ERI3: variants seen among roughly 807,000 people sequenced by gnomAD.
The protein encoded by ERI3 is ERI1 exoribonuclease family member 3, also known as ERI1 exoribonuclease 3.
In ERI3, 18 loss-of-function variants were observed where a neutral mutation model predicts 44.4. The ratio of observed to expected loss-of-function variants is 0.41; its 90% confidence interval spans 0.28 to 0.60. ERI3 has a LOEUF of 0.60. ERI3 is among the 20% of genes least tolerant of loss of function. The pLI is 0.36. For synonymous variants in ERI3, 183 were observed against 164.8 expected (o/e 1.11, Z -0.84); for missense variants, 294 against 435.5 (o/e 0.68, Z 2.89).
intron 8 of ERI3, among the ~76,000 whole-genome samples, chr1:44,240,198 G>C (rs1232702750): frequency 6.6e-6 from 1 of 152,214 alleles, no homozygotes; most frequent in Non-Finnish European, 1.5e-5. Context: ...CAGCTGCTGG[G>C]TACATTCTGT....
chr1:44,353,124 C>T (rs1170175692), intron 1 of ERI3, 199 bp from the exon 2 acceptor site: 1 of 985,252 alleles, frequency 1.0e-6, no homozygotes, highest in Non-Finnish European at 1.2e-6. Flanking sequence ...TAGTCATATA[C>T]TTTTGCTCCT....
chr1:44,221,335 G>T lies in ERI3; in HGVS notation c.*223C>A. On this transcript the variant is annotated 3_prime_UTR_variant, in exon 9 of 9. Transcript: ENST00000372257. The surrounding 1 kb of genome is among the most constrained non-coding windows in gnomAD (Gnocchi z 5.9). ...GGGGCTGATACTGGGCTGAGATTGAGGGGTGGGGATGGGGGGCACAAAGTG... is the reference window on the plus strand; with the variant it reads ...GGGGCTGATACTGGGCTGAGATTGATGGGTGGGGATGGGGGGCACAAAGTG... 1 of 559,648 alleles carries T rather than the reference G, an allele frequency of 1.8e-6. No homozygotes were observed. The highest frequency in any genetic ancestry group is 3.2e-6 in the Non-Finnish European group (1 of 313,080). The allele number at this position is 559,648 out of a possible 1,614,324, so 34.7% of individuals were successfully genotyped here.
At chr1:44,299,877 A>AT (rs530136711) in intron 6 of ERI3, among the ~76,000 whole-genome samples, 42 of 152,074 alleles carry the variant, frequency 2.8e-4, no homozygotes, top group Non-Finnish European at 5.7e-4. Context: ...TGTCTGTTGG[A>AT]TTCCGCCACA....
Position 44,325,180 on chromosome 1 carries a change from C to A in ERI3, c.490-5436G>T, listed in dbSNP as rs1174514018. On this transcript the variant is annotated intron_variant, in intron 3 of 8. Transcript: ENST00000372257. ...GTAACCTCCGCCTCCCGGGTTCAAG[C>A]AATTCTCCTGCCTCAGCCTCCCAAG... Among the ~76,000 whole-genome samples the A allele has an allele frequency of 2.7e-5, 4 of 149,698 alleles. 1 individual carries two copies. Among genetic ancestry groups the A allele is most frequent in the Non-Finnish European group, 5.9e-5 (4 of 67,560 alleles).
At chr1:44,247,681 C>T (rs1299410888) in intron 8 of ERI3, among the ~76,000 whole-genome samples, 2 of 152,142 alleles carry the variant, frequency 1.3e-5, no homozygotes, top group Non-Finnish European at 2.9e-5. Flanking sequence ...GGACCTTGGC[C>T]TGAGTCCAAG....
rs557044812 is a variant in ERI3 at position 44,235,971 on chromosome 1, C to G, written c.931+11968G>C. On this transcript the variant is annotated intron_variant, in intron 8 of 8. Coordinates refer to ENST00000372257, the MANE Select transcript of ERI3 (RefSeq NM_024066.3). This position sits in a 1 kb window ranked among gnomAD's most constrained non-coding sequence, Gnocchi z 4.6. Reference sequence around the variant, plus strand: ...AATATTTCATCCTCAAGCTGCTCAGCTAATCCCTATTAATTTCAATACCGC... The same window carrying G: ...AATATTTCATCCTCAAGCTGCTCAGGTAATCCCTATTAATTTCAATACCGC... Among the ~76,000 whole-genome samples, 1 of 152,216 alleles carries G rather than the reference C, an allele frequency of 6.6e-6. No individual in the cohort carries two copies. The highest frequency in any genetic ancestry group is 2.4e-5 in the African/African-American group (1 of 41,466).
intron 8 of ERI3, among the ~76,000 whole-genome samples, chr1:44,236,932 G>A (rs776696457): frequency 5.9e-5 from 9 of 152,134 alleles, no homozygotes; most frequent in South Asian, 2.1e-4. Context: ...TGTGCTTGTG[G>A]CCTTCTAAGG....
intron 4 of ERI3, 88 bp from the exon 5 acceptor site, chr1:44,313,316 C>T: frequency 7.8e-7 from 1 of 1,279,136 alleles, no homozygotes; most frequent in Non-Finnish European, 1.1e-6. Context: ...CTGTTTTTCT[C>T]CTTCTGTTGT....
intron 2 of ERI3, among the ~76,000 whole-genome samples, chr1:44,352,433 G>C (rs1182763681): frequency 6.6e-6 from 1 of 151,536 alleles, no homozygotes; most frequent in African/African-American, 2.4e-5. Flanking sequence ...TAGATAGATA[G>C]ATAGATAGAT....
At chr1:44,281,918 GTGTGTGTGTA>G (rs1355151996) in intron 7 of ERI3, among the ~76,000 whole-genome samples, 13 of 148,252 alleles carry the variant, frequency 8.8e-5, no homozygotes, top group African/African-American at 3.4e-4. Flanking sequence ...GTGTGTGTGT[GTGTGTGTGTA>G]TGTATTCTTC....
intron 6 of ERI3, among the ~76,000 whole-genome samples, chr1:44,292,581 G>A (rs1381580010): frequency 6.6e-6 from 1 of 152,170 alleles, no homozygotes; most frequent in Non-Finnish European, 1.5e-5. Flanking sequence ...TCTGCTGGTG[G>A]GAGGGCAATG....
intron 7 of ERI3, among the ~76,000 whole-genome samples, chr1:44,267,384 T>TG (rs1645009870): frequency 6.6e-6 from 1 of 152,164 alleles, no homozygotes; most frequent in Non-Finnish European, 1.5e-5. Context: ...CCAATTCCTA[T>TG]GGGCCTCTCC....
At chr1:44,311,542 T>G (rs928709037) in intron 5 of ERI3, among the ~76,000 whole-genome samples, 1 of 152,130 alleles carries the variant, frequency 6.6e-6, no homozygotes, top group Non-Finnish European at 1.5e-5. Flanking sequence ...GAAAGTAGCT[T>G]CTTGGGTGAG....
Position 44,352,876 on chromosome 1 carries a change from C to CCGG in ERI3, c.182_184dup (p.Ala61dup). Reference sequence around the variant, plus strand: ...TCTCCTTACTTCGAAGATGCCAAGACCGGCAGCTGGGGATGCTGAAGGTTC... The same window carrying CCGG: ...TCTCCTTACTTCGAAGATGCCAAGACCGGCGGCAGCTGGGGATGCTGAAGGTTC... On this transcript the variant is annotated inframe_insertion, in exon 2 of 9. Coordinates refer to ENST00000372257, the MANE Select transcript of ERI3 (RefSeq NM_024066.3). The CCGG allele has an allele frequency of 6.2e-7, 1 of 1,614,056 alleles. No homozygotes were observed. Among genetic ancestry groups the CCGG allele is most frequent in the African/African-American group, 1.3e-5 (1 of 74,994 alleles).
chr1:44,272,112 C>T (rs1472985989), intron 7 of ERI3, among the ~76,000 whole-genome samples: 1 of 152,170 alleles, frequency 6.6e-6, no homozygotes, highest in African/African-American at 2.4e-5. Flanking sequence ...GGGCATAGTG[C>T]TACCATTTTA....
chr1:44,316,332 T>C (rs906729118), intron 4 of ERI3, among the ~76,000 whole-genome samples: 4 of 152,176 alleles, frequency 2.6e-5, no homozygotes, highest in Non-Finnish European at 2.9e-5. Context: ...ATGTGTGCTC[T>C]GTGGCTCCTT....
At chr1:44,304,632 C>T (rs1158630720) in intron 6 of ERI3, among the ~76,000 whole-genome samples, 1 of 152,170 alleles carries the variant, frequency 6.6e-6, no homozygotes, top group Non-Finnish European at 1.5e-5. Flanking sequence ...GTGGTTCCAT[C>T]GTGGCACCTT....
chr1:44,247,896 G>C (rs1251008035), intron 8 of ERI3, 43 bp downstream of exon 8: 1 of 1,534,458 alleles, frequency 6.5e-7, no homozygotes, highest in African/African-American at 1.4e-5. Flanking sequence ...GCGGGCAAGG[G>C]ACGATGGATG....
chr1:44,348,849 C>G (rs1646835835), intron 2 of ERI3, among the ~76,000 whole-genome samples: 1 of 152,260 alleles, frequency 6.6e-6, no homozygotes, highest in Admixed American at 6.5e-5. Context: ...TACCTCGCAG[C>G]AGGACCTCAG....
Sources: gnomAD v4.1 joint callset for allele counts (sites outside exome capture counted in the v4.1 genomes callset) on GRCh38, gnomAD v4.1.1 for gene constraint, Gnocchi (gnomAD v3.1) non-coding constraint, MANE v1.5 for transcripts, NCBI Gene and HGNC (gene_info 2026-07-23, HGNC 2026-07-21) for gene names.